Variants in MFSD6 observed in about 807,000 individuals in gnomAD.
MFSD6 encodes the protein major facilitator superfamily domain-containing protein 6.
A neutral mutation model predicts 56.3 loss-of-function variants in MFSD6; 26 were observed. That is an observed-to-expected ratio of 0.46 (90% CI 0.34 to 0.64). MFSD6 has a LOEUF of 0.64. Among genes scored for constraint, MFSD6 ranks in the 30% least tolerant of loss-of-function variants. MFSD6 has a pLI of 0.01. For synonymous variants in MFSD6, 331 were observed against 366.9 expected (o/e 0.90, Z 1.12); for missense variants, 750 against 986.2 (o/e 0.76, Z 3.21).
At position 190,447,830 on chromosome 2, in the gene MFSD6, A is replaced by G. The variant is rs982338815; in HGVS notation, c.1532+10269A>G. On this transcript the variant is annotated intron_variant, in intron 3 of 7. Transcript: ENST00000392328. This position sits in a 1 kb window ranked among gnomAD's most constrained non-coding sequence, Gnocchi z 4.5. Reference sequence around the variant, plus strand: ...AGAATTTATGATCAGGAATTGAAAGATAATCATTTGGTTTTTATCATCCCT... The same window carrying G: ...AGAATTTATGATCAGGAATTGAAAGGTAATCATTTGGTTTTTATCATCCCT... 6.6e-6 allele frequency among the ~76,000 whole-genome samples: 1 copy of G among 152,224 alleles called. No individual in the cohort carries two copies. The highest frequency in any genetic ancestry group is 1.5e-5 in the Non-Finnish European group (1 of 68,040).
Position 190,451,388 on chromosome 2 carries a change from T to A in MFSD6, c.1532+13827T>A, listed in dbSNP as rs377138989. On this transcript the variant is annotated intron_variant, in intron 3 of 7. Transcript: ENST00000392328. This position sits in a 1 kb window ranked among gnomAD's most constrained non-coding sequence, Gnocchi z 5.0. ...AACAGTAGGTAGTATTGTTACTAAT[T>A]CATTCCTCCAACAAGTATTTATTAA... Among the ~76,000 whole-genome samples, 4 of 152,232 alleles carry A rather than the reference T, an allele frequency of 2.6e-5. No homozygotes were observed. The highest frequency in any genetic ancestry group is 9.6e-5 in the African/African-American group (4 of 41,456).
chr2:190,444,941 C>T, intron 3 of MFSD6: 1 of 681,012 alleles, frequency 1.5e-6, no homozygotes, highest in Non-Finnish European at 1.8e-6. Flanking sequence ...GGTAAATTAA[C>T]TGTAGCATAC....
In MFSD6 at chr2:190,494,498, A is replaced by G. The variant is rs1380144898; in HGVS notation, c.1892-2941A>G. On this transcript the variant is annotated intron_variant, in intron 6 of 7. Coordinates refer to ENST00000392328, the MANE Select transcript of MFSD6 (RefSeq NM_017694.4). This position sits in a 1 kb window ranked among gnomAD's most constrained non-coding sequence, Gnocchi z 5.7. ...GAGGGAATCCTCCCTAAAACATTCT[A>G]TGAAGCCAGTATCACCCTAATAACA... is the stretch of plus-strand genomic sequence containing the variant. Among the ~76,000 whole-genome samples, 1 of 152,216 alleles carries G rather than the reference A, an allele frequency of 6.6e-6. No homozygotes were observed. Among genetic ancestry groups the G allele is most frequent in the Non-Finnish European group, 1.5e-5 (1 of 68,028 alleles).
At chr2:190,453,833 G>T (rs1686874013) in intron 3 of MFSD6, among the ~76,000 whole-genome samples, 1 of 152,172 alleles carries the variant, frequency 6.6e-6, no homozygotes, top group Admixed American at 6.6e-5. Context: ...GGCTTATCTG[G>T]TAAGTGCAAT....
Position 190,433,007 on chromosome 2 carries a change from A to G in MFSD6, c.-53-2970A>G, listed in dbSNP as rs1686059638. On this transcript the variant is annotated intron_variant, in intron 2 of 7. Coordinates refer to ENST00000392328, the MANE Select transcript of MFSD6 (RefSeq NM_017694.4). The surrounding 1 kb of genome is among the most constrained non-coding windows in gnomAD (Gnocchi z 4.5). ...TCAACCAAGGTTTTAGTTTTCTCAG[A>G]TCTACCAAGTCTTTTACCAATTGTT... Among the ~76,000 whole-genome samples, 1 of 152,172 alleles carries G rather than the reference A, an allele frequency of 6.6e-6. No homozygotes were observed. The highest frequency in any genetic ancestry group is 2.1e-4 in the South Asian group (1 of 4,830).
chr2:190,446,151 CCT>C lies in MFSD6; in HGVS notation c.1532+8591_1532+8592del, dbSNP rs763692374. Among the ~76,000 whole-genome samples, 35 of 152,198 alleles carry C rather than the reference CCT, an allele frequency of 2.3e-4. 1 individual carries two copies. Among genetic ancestry groups the C allele is most frequent in the South Asian group, 4.2e-4 (2 of 4,802 alleles). ...CATCAAATGATCTTCAGGATTCTCC[CCT>C]GTCTTGTGGTGAGGTTTAGTTTCCT... On this transcript the variant is annotated intron_variant, in intron 3 of 7. Coordinates refer to ENST00000392328, the MANE Select transcript of MFSD6 (RefSeq NM_017694.4).
chr2:190,497,807 A>T lies in MFSD6; in HGVS notation c.2172+88A>T. The T allele has an allele frequency of 7.0e-7, 1 of 1,429,178 alleles. No homozygotes were observed. The highest frequency in any genetic ancestry group is 9.5e-7 in the Non-Finnish European group (1 of 1,051,612). 88.5% of individuals were successfully genotyped at this position (1,429,178 alleles called of 1,614,324 possible). A position where few individuals can be genotyped will look rare whatever the true frequency, so the allele number is the denominator to read the frequency against. The stretch of plus-strand genomic sequence containing the variant: ...GTTTTAATTACTCACTTTTCATTCA[A>T]CAAGATTTATTGAAAGTCTGGTGGG... On this transcript the variant is annotated intron_variant, in intron 7 of 7. Transcript: ENST00000392328. This position sits in a 1 kb window ranked among gnomAD's most constrained non-coding sequence, Gnocchi z 5.2.
intron 4 of MFSD6, among the ~76,000 whole-genome samples, chr2:190,475,339 C>T (rs1343339117): frequency 6.6e-6 from 1 of 152,188 alleles, no homozygotes; most frequent in African/African-American, 2.4e-5. Context: ...CCAAAATCTC[C>T]TTAAGCTGAT....
Position 190,495,379 on chromosome 2 carries a change from C to T in MFSD6, c.1892-2060C>T, listed in dbSNP as rs1247380482. Among the ~76,000 whole-genome samples the T allele has an allele frequency of 2.0e-5, 3 of 152,182 alleles. No homozygotes were observed. The highest frequency in any genetic ancestry group is 7.2e-5 in the African/African-American group (3 of 41,444). ...TACACAAATGGAAACATATCCCATG[C>T]TCATGGATGGGTAGAATCAATATTG... On this transcript the variant is annotated intron_variant, in intron 6 of 7. Transcript: ENST00000392328. The surrounding 1 kb of genome is among the most constrained non-coding windows in gnomAD (Gnocchi z 4.7).
At chr2:190,468,098 C>T (rs971581377) in intron 3 of MFSD6, among the ~76,000 whole-genome samples, 1 of 152,144 alleles carries the variant, frequency 6.6e-6, no homozygotes, top group African/African-American at 2.4e-5. Flanking sequence ...TTTTAATTTC[C>T]TGTGGCTTTT....
In MFSD6 at chr2:190,459,349, C is replaced by T. The variant is rs1264044412; in HGVS notation, c.1533-10409C>T. 6.6e-6 allele frequency among the ~76,000 whole-genome samples: 1 copy of T among 152,136 alleles called. No homozygotes were observed. The highest frequency in any genetic ancestry group is 1.5e-5 in the Non-Finnish European group (1 of 68,006). On this transcript the variant is annotated intron_variant, in intron 3 of 7. Transcript: ENST00000392328. This position sits in a 1 kb window ranked among gnomAD's most constrained non-coding sequence, Gnocchi z 5.3. ...AAATTTAGCTTAGGGTCAAGTAAAACTCTTGAGGCCTTTTTAAAATTAACG... is the reference window on the plus strand; with the variant it reads ...AAATTTAGCTTAGGGTCAAGTAAAATTCTTGAGGCCTTTTTAAAATTAACG...
intron 2 of MFSD6, among the ~76,000 whole-genome samples, chr2:190,420,064 C>T (rs929536269): frequency 5.3e-5 from 8 of 151,850 alleles, no homozygotes; most frequent in Non-Finnish European, 1.0e-4. Context: ...TTTCAAGTTT[C>T]TTTTTTTAAA....
chr2:190,494,083 GATAA>G lies in MFSD6; in HGVS notation c.1892-3350_1892-3347del, dbSNP rs1689523801. The stretch of plus-strand genomic sequence containing the variant: ...AAACAAAAAGCTGGTTGTTTGAAAA[GATAA>G]ATAAAATTGATATATCATTAACAAG... On this transcript the variant is annotated intron_variant, in intron 6 of 7. Coordinates refer to ENST00000392328, the MANE Select transcript of MFSD6 (RefSeq NM_017694.4). This position sits in a 1 kb window ranked among gnomAD's most constrained non-coding sequence, Gnocchi z 5.7. Among the ~76,000 whole-genome samples, 1 of 151,824 alleles carries G rather than the reference GATAA, an allele frequency of 6.6e-6. No homozygotes were observed. Among genetic ancestry groups the G allele is most frequent in the Admixed American group, 6.6e-5 (1 of 15,240 alleles).
chr2:190,408,621 G>GAA (rs1157632510), intron 1 of MFSD6, 118 bp downstream of exon 1: 1 of 152,212 alleles, frequency 6.6e-6, no homozygotes, highest in Non-Finnish European at 1.5e-5. Context: ...CTGCTGCCGG[G>GAA]AAAGGGGCTT....
rs1262859791 is a variant in MFSD6, at chr2:190,431,859, A to G, written c.-53-4118A>G. On this transcript the variant is annotated intron_variant, in intron 2 of 7. Transcript: ENST00000392328. This position sits in a 1 kb window ranked among gnomAD's most constrained non-coding sequence, Gnocchi z 4.4. ...ATACTTATAAATTCCAGAGCTTTTT[A>G]TTCAAGTATTCCTTTTATCTGTCCA... Among the ~76,000 whole-genome samples the G allele has an allele frequency of 3.3e-5, 5 of 152,200 alleles. No individual in the cohort carries two copies. Among genetic ancestry groups the G allele is most frequent in the Non-Finnish European group, 7.4e-5 (5 of 68,026 alleles).
intron 3 of MFSD6, among the ~76,000 whole-genome samples, chr2:190,460,601 C>G (rs903799735): frequency 2.0e-5 from 3 of 152,200 alleles, no homozygotes; most frequent in Admixed American, 2.0e-4. Flanking sequence ...TATGAAAGTC[C>G]TCACCCTGCA....
At position 190,497,650 on chromosome 2, in the gene MFSD6, A is replaced by G; in HGVS notation, c.2103A>G (p.Ala701=). The G allele has an allele frequency of 6.2e-7, 1 of 1,614,136 alleles. No homozygotes were observed. Among genetic ancestry groups the G allele is most frequent in the Non-Finnish European group, 8.5e-7 (1 of 1,180,020 alleles). The part of the protein sequence containing the change: ...SSSPWVTFVY[A]LYQIKEMMQL... ...CTCCCTGGGTGACCTTTGTCTATGC[A>G]CTCTACCAAATTAAAGAGATGATGC... Residue 701 remains alanine, a synonymous_variant, in exon 7 of 8, where the codon GCA becomes GCG. Coordinates refer to ENST00000392328, the MANE Select transcript of MFSD6 (RefSeq NM_017694.4). This position sits in a 1 kb window ranked among gnomAD's most constrained non-coding sequence, Gnocchi z 5.2.
rs1375163803 is a variant in MFSD6, at chr2:190,454,176, G to A, written c.1533-15582G>A. 1 of 152,132 alleles carries A rather than the reference G, an allele frequency of 6.6e-6. No homozygotes were observed. Among genetic ancestry groups the A allele is most frequent in the Non-Finnish European group, 1.5e-5 (1 of 68,028 alleles). 9.4% of individuals were successfully genotyped at this position (152,132 alleles called of 1,614,324 possible). A position where few individuals can be genotyped will look rare whatever the true frequency, so the allele number is the denominator to read the frequency against. ...TCCATTTTACAATGGCTTAATGAGA[G>A]CCTGATACCCTCCATTGGTGGAAAT... On this transcript the variant is annotated intron_variant, in intron 3 of 7. Coordinates refer to ENST00000392328, the MANE Select transcript of MFSD6 (RefSeq NM_017694.4). The surrounding 1 kb of genome is among the most constrained non-coding windows in gnomAD (Gnocchi z 4.6).
intron 3 of MFSD6, among the ~76,000 whole-genome samples, chr2:190,460,336 CCATT>C (rs1032716566): frequency 6.6e-6 from 1 of 152,062 alleles, no homozygotes; most frequent in Non-Finnish European, 1.5e-5. Context: ...TTTTTTAAGT[CCATT>C]CATTCTTTCA....
Sources: allele counts gnomAD v4.1 joint callset (sites outside exome capture counted in the v4.1 genomes callset), GRCh38; gene constraint gnomAD v4.1.1; non-coding constraint Gnocchi (gnomAD v3.1); transcripts MANE v1.5; gene names NCBI Gene and HGNC (gene_info 2026-07-23, HGNC 2026-07-21).